MED16: variants seen among roughly 807,000 people sequenced by gnomAD.
MED16 encodes mediator complex subunit 16, also known as mediator of RNA polymerase II transcription subunit 16.
In MED16, 81 loss-of-function variants were observed where a neutral mutation model predicts 84.4. The observed-to-expected ratio is 0.96, with a 90% CI of 0.80 to 1.15. The LOEUF is 1.15. Among genes scored for constraint, MED16 ranks in the 50% most tolerant of loss-of-function variants. The pLI, the probability that MED16 is intolerant of heterozygous loss-of-function variation, is 0.00. For synonymous variants in MED16, 897 were observed against 552.2 expected, an observed-to-expected ratio of 1.62 and a Z score of -8.76; for missense variants, 1,585 against 1,245.9, an observed-to-expected ratio of 1.27 and a Z score of -4.10.
chr19:873,212 G>A (rs1054452764), intron 11 of MED16: 3 of 617,494 alleles, frequency 4.9e-6, no homozygotes, highest in Non-Finnish European at 2.7e-6. Context: ...GGTTTAAGAA[G>A]AGACAGACTC....
At chr19:889,251 G>T (rs1266516552) in intron 4 of MED16, among the ~76,000 whole-genome samples, 1 of 152,132 alleles carries the variant, frequency 6.6e-6, no homozygotes, top group Non-Finnish European at 1.5e-5. Flanking sequence ...ATAGAGAGGG[G>T]CTCTGGGATG....
chr19:875,714 G>A (rs983474367), intron 9 of MED16, among the ~76,000 whole-genome samples: 1 of 152,140 alleles, frequency 6.6e-6, no homozygotes, highest in Admixed American at 6.6e-5. Context: ...ATTTTTAGTT[G>A]TCACCACTGG....
intron 8 of MED16, among the ~76,000 whole-genome samples, chr19:878,189 C>T (rs1488325692): frequency 1.4e-5 from 2 of 147,272 alleles, no homozygotes; most frequent in African/African-American, 2.5e-5. Flanking sequence ...AGCCCAGCCC[C>T]ACGTGCCCCA....
At chr19:883,783 G>A (rs916776723) in intron 6 of MED16, among the ~76,000 whole-genome samples, 1 of 152,138 alleles carries the variant, frequency 6.6e-6, no homozygotes, top group Admixed American at 6.5e-5. Flanking sequence ...GTGGCGCCAG[G>A]TGCTGCTGCA....
chr19:874,814 G>A (rs1427669884), intron 10 of MED16, among the ~76,000 whole-genome samples: 1 of 151,458 alleles, frequency 6.6e-6, no homozygotes, highest in African/African-American at 2.4e-5. Flanking sequence ...AGGCTGCGCT[G>A]AGCTGGGACT....
intron 8 of MED16, among the ~76,000 whole-genome samples, chr19:877,793 GCCCCAC>G (rs1401947594): frequency 5.1e-5 from 4 of 78,964 alleles, no homozygotes; most frequent in Admixed American, 1.6e-4. Context: ...CCCAGCCCCA[GCCCCAC>G]GTGCCCCAGC....
At chr19:868,551 T>C (rs1631848) in intron 14 of MED16, 52 bp from the exon 15 acceptor site, 463,273 of 1,593,528 alleles carry the variant, frequency 0.29, 73,047 homozygotes, top group African/African-American at 0.56. Flanking sequence ...GGGCCTCCCT[T>C]ACGCCTGCCC....
Position 871,093 on chromosome 19 carries a change from G to C in MED16, c.2259C>G (p.Gly753=). The C allele has an allele frequency of 1.3e-6, 2 of 1,548,306 alleles. No homozygotes were observed. Among genetic ancestry groups the C allele is most frequent in the Non-Finnish European group, 1.7e-6 (2 of 1,145,778 alleles). ...CACTGCCAGGCAGCGTGGGCGCCCG[G>C]CCAAACTGCAGACGAAGGGGCTGCT... ...QPKQPLRLQF[G]RAPTLPGSAA... Residue 753 remains glycine, a synonymous_variant, in exon 13 of 16, where the codon GGC becomes GGG. Transcript: ENST00000325464.
At position 886,056 on chromosome 19, in the gene MED16, T is replaced by C; in HGVS notation, c.593A>G (p.Gln198Arg). Residue 198 changes from glutamine to arginine, a missense_variant, in exon 5 of 16, where the codon CAG (glutamine) becomes CGG (arginine). By Grantham distance (43) the Gln-to-Arg change is conservative. Transcript: ENST00000325464. ...CAGGCTCTCGGTGGACGTCAGCACCTGCCCGCTGGGCTTCAGCAGGGACAC... is the reference window on the plus strand; with the variant it reads ...CAGGCTCTCGGTGGACGTCAGCACCCGCCCGCTGGGCTTCAGCAGGGACAC... Reference protein sequence around the residue: ...VTVSLLKPSGQVLTSTESLCR... With the variant: ...VTVSLLKPSGRVLTSTESLCR... The C allele has an allele frequency of 6.3e-7, 1 of 1,595,986 alleles. No individual in the cohort carries two copies. Among genetic ancestry groups the C allele is most frequent in the East Asian group, 2.2e-5 (1 of 44,540 alleles).
intron 6 of MED16, among the ~76,000 whole-genome samples, chr19:884,016 A>G (rs1255541392): frequency 6.6e-6 from 1 of 152,096 alleles, no homozygotes; most frequent in African/African-American, 2.4e-5. Context: ...GGCAGTTGAC[A>G]TAACCACCTG....
chr19:871,040 G>A lies in MED16; in HGVS notation c.2312C>T (p.Ala771Val), dbSNP rs2145190895. ...ACCAATGCAGGGACACACGCACCTGGCGAGGCCGTCGAGCTGCAGGGTGGC... is the reference window on the plus strand; with the variant it reads ...ACCAATGCAGGGACACACGCACCTGACGAGGCCGTCGAGCTGCAGGGTGGC... ...SAATLQLDGL[A>V]RAPGQPKIDH... Residue 771 changes from alanine to valine, a missense_variant, in exon 13 of 16, where the codon GCC (alanine) becomes GTC (valine). By Grantham distance (64) the Ala-to-Val change is moderately conservative. Transcript: ENST00000325464. 2 of 1,542,140 alleles carry A rather than the reference G, an allele frequency of 1.3e-6. No individual in the cohort carries two copies. The highest frequency in any genetic ancestry group is 1.8e-6 in the Non-Finnish European group (2 of 1,141,852).
chr19:870,817 G>C (rs1435085259), intron 13 of MED16, among the ~76,000 whole-genome samples: 1 of 144,284 alleles, frequency 6.9e-6, no homozygotes, highest in African/African-American at 2.6e-5. Context: ...TGGAGGGAGG[G>C]AGCCGTGTGG....
intron 7 of MED16, 33 bp downstream of exon 7, chr19:881,526 G>A: frequency 4.4e-6 from 7 of 1,591,078 alleles, no homozygotes; most frequent in Non-Finnish European, 5.1e-6. Flanking sequence ...TGTGAACTGA[G>A]GCCCCGCGTG....
At chr19:880,173 A>T in intron 7 of MED16, 25 bp from the exon 8 acceptor site, 1 of 1,594,806 alleles carries the variant, frequency 6.3e-7, no homozygotes, top group Non-Finnish European at 8.5e-7. Flanking sequence ...CACTGCTTAG[A>T]CATGGGCAGG....
intron 8 of MED16, among the ~76,000 whole-genome samples, chr19:877,432 C>G (rs1029769343): frequency 9.2e-5 from 14 of 152,166 alleles, no homozygotes; most frequent in African/African-American, 3.4e-4. Flanking sequence ...GGCTTACACT[C>G]GTCTGCTTTA....
At chr19:877,424 C>T (rs370338394) in intron 8 of MED16, among the ~76,000 whole-genome samples, 36 of 152,260 alleles carry the variant, frequency 2.4e-4, no homozygotes, top group Non-Finnish European at 4.3e-4. Context: ...CCGAGCCAGG[C>T]TTACACTCGT....
chr19:877,597 C>G (rs1039810163), intron 8 of MED16, among the ~76,000 whole-genome samples: 1 of 152,074 alleles, frequency 6.6e-6, no homozygotes, highest in Non-Finnish European at 1.5e-5. Context: ...GAGGGGCTTG[C>G]ACCTGTGGTC....
intron 11 of MED16, among the ~76,000 whole-genome samples, chr19:872,561 G>A (rs2036105441): frequency 6.6e-6 from 1 of 151,940 alleles, no homozygotes; most frequent in South Asian, 2.1e-4. Flanking sequence ...TCCGTGATGG[G>A]CGCGGTGGAG....
At chr19:874,936 G>A (rs900989638) in intron 10 of MED16, among the ~76,000 whole-genome samples, 4 of 151,922 alleles carry the variant, frequency 2.6e-5, no homozygotes, top group African/African-American at 9.7e-5. Context: ...GCCGAGGCGG[G>A]CGGATCATTT....
Sources: allele counts gnomAD v4.1 joint callset (sites outside exome capture counted in the v4.1 genomes callset), GRCh38; gene constraint gnomAD v4.1.1; transcripts MANE v1.5; gene names NCBI Gene and HGNC (gene_info 2026-07-23, HGNC 2026-07-21).